Variants in LMO7 observed in about 807,000 individuals in gnomAD.
LMO7 encodes LIM domain 7.
LMO7 carries 120 observed loss-of-function variants against 206.5 expected under a neutral mutation model. The observed-to-expected ratio is 0.58, with a 90% CI of 0.50 to 0.68. LMO7 has a LOEUF of 0.68. LMO7 is among the 30% of genes least tolerant of loss of function. LMO7 has a pLI of 0.00. For missense variants in LMO7, 1,959 were observed against 1,957.9 expected (o/e 1.00, Z -0.01); for synonymous variants, 706 against 681.5 (o/e 1.04, Z -0.56).
chr13:75,724,708 G>T (rs555767621), intron 2 of LMO7, among the ~76,000 whole-genome samples: 1 of 152,148 alleles, frequency 6.6e-6, no homozygotes, highest in East Asian at 1.9e-4. Context: ...TTCTAAAAGG[G>T]TTTCCTTTAA....
intron 1 of LMO7, among the ~76,000 whole-genome samples, chr13:75,703,707 AG>A (rs1465352941): frequency 6.8e-6 from 1 of 146,164 alleles, no homozygotes; most frequent in Non-Finnish European, 1.5e-5. Flanking sequence ...CTCTGACTTC[AG>A]GTTCTTTGTG....
intron 4 of LMO7, among the ~76,000 whole-genome samples, chr13:75,766,237 C>CTTTTTTTTTTTTTTT: frequency 7.9e-6 from 1 of 126,098 alleles, no homozygotes. Context: ...TTCCCTCAGT[C>CTTTTTTTTTTTTTTT]TTTTTTTTTT....
intron 3 of LMO7, among the ~76,000 whole-genome samples, chr13:75,744,488 TGTTTCA>T (rs1197296994): frequency 6.6e-6 from 1 of 152,226 alleles, no homozygotes; most frequent in Non-Finnish European, 1.5e-5. Context: ...TAAAAATAAT[TGTTTCA>T]GTATTTGAGT....
chr13:75,812,926 T>C (rs181198268), intron 11 of LMO7, among the ~76,000 whole-genome samples: 2 of 152,356 alleles, frequency 1.3e-5, no homozygotes, highest in Non-Finnish European at 2.9e-5. Context: ...CAATCCTTCA[T>C]AGTTTTCCCA....
intron 5 of LMO7, among the ~76,000 whole-genome samples, chr13:75,795,805 T>C (rs537855455): frequency 2.6e-4 from 39 of 152,022 alleles, no homozygotes; most frequent in Middle Eastern, 3.4e-3. Flanking sequence ...ACAACACACA[T>C]TGGGGCCTGT....
chr13:75,622,080 T>G (rs1399828914), intron 1 of LMO7, among the ~76,000 whole-genome samples: 1 of 152,234 alleles, frequency 6.6e-6, no homozygotes, highest in East Asian at 1.9e-4. Context: ...CTTTTAAAAT[T>G]TTTGTGGGTA....
At chr13:75,681,722 A>ATG (rs2040521896) in intron 1 of LMO7, among the ~76,000 whole-genome samples, 1 of 98,638 alleles carries the variant, frequency 1.0e-5, no homozygotes, top group East Asian at 3.0e-4. Flanking sequence ...ATATATGTAT[A>ATG]TATATATATA....
rs1176908594 is a variant in LMO7, at chr13:75,760,345, A to G, written c.211-587A>G. 6.0e-6 allele frequency: 6 copies of G among 999,554 alleles called. No homozygotes were observed. The East Asian group carries it at 3.1e-4, about 52-fold the overall frequency. 61.9% of individuals were successfully genotyped at this position (999,554 alleles called of 1,614,324 possible). A position where few individuals can be genotyped will look rare whatever the true frequency, so the allele number is the denominator to read the frequency against. On this transcript the variant is annotated intron_variant, in intron 3 of 30. Coordinates refer to ENST00000377534, the MANE Select transcript of LMO7 (RefSeq NM_001306080.2). ...GCCACACAAACTATGCAATTTAGCC[A>G]ATGAACACTAGGTTTCTCCTCAGTC... is the stretch of plus-strand genomic sequence containing the variant.
At chr13:75,707,875 C>A (rs1347309708) in intron 1 of LMO7, among the ~76,000 whole-genome samples, 1 of 149,862 alleles carries the variant, frequency 6.7e-6, no homozygotes, top group Non-Finnish European at 1.5e-5. Flanking sequence ...TCTTCAGACC[C>A]CCTCATATAT....
chr13:75,836,389 C>T lies in LMO7; in HGVS notation c.3334-8C>T. The T allele has an allele frequency of 7.3e-6, 11 of 1,511,060 alleles. No individual in the cohort carries two copies. Among genetic ancestry groups the T allele is most frequent in the Non-Finnish European group, 9.1e-6 (10 of 1,103,458 alleles). The allele number at this position is 1,511,060 out of a possible 1,614,324, so 93.6% of individuals were successfully genotyped here. ...GAGAATATTAACTAGCATTTTTACC[C>T]TTTCCAGAATATTGAATCCAAAGAA... On this transcript the variant is annotated splice_region_variant and splice_polypyrimidine_tract_variant and intron_variant, in intron 18 of 30. Transcript: ENST00000377534.
At chr13:75,635,239 C>A (rs1394550102), upstream of LMO7, among the ~76,000 whole-genome samples, 1 of 152,094 alleles carries the variant, frequency 6.6e-6, no homozygotes, top group African/African-American at 2.4e-5. Flanking sequence ...AGTTTGCTTT[C>A]GTTTCAGCAG....
At chr13:75,757,986 C>A (rs1190213777) in intron 3 of LMO7, among the ~76,000 whole-genome samples, 3 of 151,944 alleles carry the variant, frequency 2.0e-5, no homozygotes, top group Non-Finnish European at 2.9e-5. Flanking sequence ...GAGGGTTGGG[C>A]TCCTCTTCTT....
At chr13:75,624,062 C>G (rs981280065) in intron 2 of LMO7, among the ~76,000 whole-genome samples, 2 of 152,232 alleles carry the variant, frequency 1.3e-5, no homozygotes. Flanking sequence ...CCAGCCATCT[C>G]TGCTTCAATG....
chr13:75,742,246 A>C (rs962196993), intron 3 of LMO7, among the ~76,000 whole-genome samples: 3 of 152,214 alleles, frequency 2.0e-5, no homozygotes, highest in Admixed American at 6.5e-5. Flanking sequence ...GACACAAATA[A>C]ATGGAAAAAC....
upstream of LMO7, chr13:75,636,306 G>A: frequency 1.8e-6 from 2 of 1,088,124 alleles, no homozygotes; most frequent in Non-Finnish European, 2.2e-6. Flanking sequence ...GAGGACGGCG[G>A]CGGCGCTGCG....
chr13:75,781,096 C>CTTTTTTTTTTTTTTTTTTTTTTTTTTTCT (rs367937964), intron 4 of LMO7, among the ~76,000 whole-genome samples: 1 of 41,924 alleles, frequency 2.4e-5, no homozygotes, highest in Non-Finnish European at 4.1e-5. Flanking sequence ...CTCTATTTTC[C>CTTTTTTTTTTTTTTTTTTTTTTTTTTTCT]TTTTTTTTTT....
intron 28 of LMO7, chr13:75,854,864 T>C (rs183806015): frequency 1.9e-5 from 3 of 156,526 alleles, no homozygotes; most frequent in East Asian, 1.9e-4. Flanking sequence ...GCCACCCTTT[T>C]GGTGCTCTGA....
At chr13:75,734,871 G>A (rs1030608164) in intron 3 of LMO7, among the ~76,000 whole-genome samples, 8 of 152,118 alleles carry the variant, frequency 5.3e-5, no homozygotes, top group African/African-American at 1.4e-4. Context: ...AGGCCAAGGC[G>A]GGCGGATCAC....
chr13:75,678,212 C>T (rs139745819), intron 1 of LMO7, among the ~76,000 whole-genome samples: 6,069 of 152,252 alleles, frequency 0.04, 165 homozygotes, highest in South Asian at 0.067. Flanking sequence ...CCTGAGGAAT[C>T]GTCACACTGA....
Sources: gnomAD v4.1 joint callset for allele counts (sites outside exome capture counted in the v4.1 genomes callset) on GRCh38, gnomAD v4.1.1 for gene constraint, MANE v1.5 for transcripts, NCBI Gene and HGNC (gene_info 2026-07-23, HGNC 2026-07-21) for gene names.